CASP10: variants seen among roughly 807,000 people sequenced by gnomAD.
CASP10 encodes caspase-10.
Under a neutral mutation model 48.5 loss-of-function variants are expected in CASP10, and 41 were observed. The observed-to-expected ratio is 0.85, with a 90% CI of 0.66 to 1.10. The LOEUF is 1.10. CASP10 is among the 50% of genes least tolerant of loss of function. The pLI, the probability that CASP10 is intolerant of heterozygous loss-of-function variation, is 0.00. For missense variants in CASP10, 614 were observed against 614.5 expected (o/e 1.00, Z 0.01); for synonymous variants, 232 against 238.4 (o/e 0.97, Z 0.25).
At chr2:201,206,424 T>C (rs1945207526) in intron 7 of CASP10, among the ~76,000 whole-genome samples, 2 of 151,696 alleles carry the variant, frequency 1.3e-5, no homozygotes, top group East Asian at 1.9e-4. Context: ...GCACATGTTT[T>C]TAAATTCCTA....
intron 5 of CASP10, among the ~76,000 whole-genome samples, chr2:201,198,503 G>A (rs1404553179): frequency 6.8e-6 from 1 of 147,728 alleles, no homozygotes; most frequent in East Asian, 2.0e-4. Flanking sequence ...GGGATTATAG[G>A]TGTGAGCCAC....
Position 201,219,445 on chromosome 2 carries a change from C to CT in CASP10, c.*1707dup. The stretch of plus-strand genomic sequence containing the variant: ...CAGGACTCAATCTACAGGCCAGCAC[C>CT]TTTCTCTTGGCCGGATGTCCTCAGG... On this transcript the variant is annotated 3_prime_UTR_variant, in exon 10 of 10. Coordinates refer to ENST00000286186, the MANE Select transcript of CASP10 (RefSeq NM_032977.4). 1 of 985,462 alleles carries CT rather than the reference C, an allele frequency of 1.0e-6. No individual in the cohort carries two copies. The highest frequency in any genetic ancestry group is 1.2e-6 in the Non-Finnish European group (1 of 829,950). 61.0% of individuals were successfully genotyped at this position (985,462 alleles called of 1,614,324 possible).
At chr2:201,212,106 G>A (rs965281887) in intron 9 of CASP10, among the ~76,000 whole-genome samples, 3 of 152,038 alleles carry the variant, frequency 2.0e-5, no homozygotes, top group African/African-American at 7.2e-5. Context: ...GTGCCACCAC[G>A]CCTGGCTAAT....
chr2:201,205,644 G>A (rs1945176259), intron 6 of CASP10, among the ~76,000 whole-genome samples: 1 of 152,044 alleles, frequency 6.6e-6, no homozygotes, highest in Non-Finnish European at 1.5e-5. Flanking sequence ...CTGATCCATG[G>A]GATCTTAATT....
At chr2:201,189,010 A>G (rs1012054268) in intron 3 of CASP10, among the ~76,000 whole-genome samples, 5 of 151,440 alleles carry the variant, frequency 3.3e-5, no homozygotes, top group African/African-American at 1.2e-4. Context: ...AGCTGGGATT[A>G]CAGCAGCCTG....
chr2:201,189,896 G>A (rs1244101532), intron 3 of CASP10, among the ~76,000 whole-genome samples: 1 of 152,112 alleles, frequency 6.6e-6, no homozygotes, highest in Admixed American at 6.5e-5. Context: ...CTCCTCAGGA[G>A]GCTGACATGG....
chr2:201,216,724 G>C (rs41330948), intron 9 of CASP10, among the ~76,000 whole-genome samples: 1 of 152,234 alleles, frequency 6.6e-6, no homozygotes, highest in African/African-American at 2.4e-5. Flanking sequence ...GGACTGTTAT[G>C]GTTCCTATTT....
At chr2:201,199,825 C>T (rs1305618950) in intron 5 of CASP10, among the ~76,000 whole-genome samples, 1 of 152,116 alleles carries the variant, frequency 6.6e-6, no homozygotes. Flanking sequence ...CTGCCTGCCC[C>T]AGCCTCCCAA....
rs1945652321 is a variant in CASP10, at chr2:201,218,958, C to T, written c.*1217C>T. 1.0e-6 allele frequency: 1 copy of T among 985,434 alleles called. No individual in the cohort carries two copies. The highest frequency in any genetic ancestry group is 1.2e-6 in the Non-Finnish European group (1 of 829,950). The allele number at this position is 985,434 out of a possible 1,614,324, so 61.0% of individuals were successfully genotyped here. A position where few individuals can be genotyped will look rare whatever the true frequency, so the allele number is the denominator to read the frequency against. The stretch of plus-strand genomic sequence containing the variant: ...CACTCAGCTGCTCTGCAAGCAGAAA[C>T]TTTACAACCTGATGTCATATTCCAT... On this transcript the variant is annotated 3_prime_UTR_variant, in exon 10 of 10. Transcript: ENST00000286186.
chr2:201,192,698 A>C (rs1253692993), intron 3 of CASP10, among the ~76,000 whole-genome samples: 1 of 152,152 alleles, frequency 6.6e-6, no homozygotes, highest in Non-Finnish European at 1.5e-5. Context: ...TAAAATGTGG[A>C]TTATAATAAT....
chr2:201,193,459 C>T (rs1197619164), intron 4 of CASP10: 5 of 326,540 alleles, frequency 1.5e-5, no homozygotes, highest in South Asian at 5.2e-5. Flanking sequence ...CCACCCACCT[C>T]GGCCTTTCAA....
chr2:201,188,327 G>A (rs1206318469), intron 3 of CASP10, among the ~76,000 whole-genome samples: 1 of 151,896 alleles, frequency 6.6e-6, no homozygotes, highest in African/African-American at 2.4e-5. Flanking sequence ...TTACAGGCAT[G>A]CACCACCATG....
At chr2:201,215,951 A>G (rs1353483873) in intron 9 of CASP10, among the ~76,000 whole-genome samples, 2 of 151,852 alleles carry the variant, frequency 1.3e-5, no homozygotes, top group African/African-American at 2.4e-5. Flanking sequence ...TTGGCTTGTC[A>G]CTGGTATTTT....
chr2:201,201,773 A>G (rs1179199913), intron 5 of CASP10, among the ~76,000 whole-genome samples: 4 of 152,194 alleles, frequency 2.6e-5, no homozygotes, highest in African/African-American at 9.7e-5. Context: ...AACTTGGTGA[A>G]ACATCTCATG....
chr2:201,207,990 A>G, intron 7 of CASP10, 85 bp from the exon 8 acceptor site: 1 of 861,532 alleles, frequency 1.2e-6, no homozygotes, highest in Non-Finnish European at 2.0e-6. Context: ...TCTTCCTCAC[A>G]GTGGATCCAT....
At chr2:201,203,456 G>A (rs542187560) in intron 5 of CASP10, among the ~76,000 whole-genome samples, 4 of 152,082 alleles carry the variant, frequency 2.6e-5, no homozygotes, top group African/African-American at 7.2e-5. Context: ...ACTGGCATGC[G>A]CTACCACACC....
chr2:201,197,910 T>C (rs1028952788), intron 5 of CASP10, among the ~76,000 whole-genome samples: 3 of 152,364 alleles, frequency 2.0e-5, no homozygotes, highest in African/African-American at 2.4e-5. Context: ...CATTCTATTT[T>C]CAATTTTTTG....
intron 5 of CASP10, among the ~76,000 whole-genome samples, chr2:201,197,475 C>T (rs1419636954): frequency 2.0e-5 from 3 of 152,038 alleles, no homozygotes; most frequent in Non-Finnish European, 2.9e-5. Flanking sequence ...ATTAGCTGGG[C>T]GTGGTGGTGC....
downstream of CASP10, among the ~76,000 whole-genome samples, chr2:201,224,731 A>G (rs532005803): frequency 3.9e-5 from 6 of 152,330 alleles, no homozygotes; most frequent in East Asian, 1.2e-3. Flanking sequence ...TAGAATGGAA[A>G]TAACTTTGTG....
Sources: gnomAD v4.1 joint callset for allele counts (sites outside exome capture counted in the v4.1 genomes callset) on GRCh38, gnomAD v4.1.1 for gene constraint, MANE v1.5 for transcripts, NCBI Gene and HGNC (gene_info 2026-07-23, HGNC 2026-07-21) for gene names.